The following SSBP3 variants were observed in gnomAD, a reference collection of about 807,000 sequenced individuals.
SSBP3 encodes the protein single-stranded DNA-binding protein 3.
Under a neutral mutation model 69.6 loss-of-function variants are expected in SSBP3, and 5 were observed. The observed-to-expected ratio is 0.07, with a 90% confidence interval of 0.04 to 0.15. SSBP3 has a LOEUF of 0.15. SSBP3 is among the 10% of genes least tolerant of loss of function. The pLI, the probability that SSBP3 is intolerant of heterozygous loss-of-function variation, is 1.00. For synonymous variants in SSBP3, 196 were observed against 193.4 expected (o/e 1.01, Z -0.11); for missense variants, 312 against 534.0 (o/e 0.58, Z 4.10).
In SSBP3 at chr1:54,253,192, G is replaced by GT. The variant is rs554412710; in HGVS notation, c.508-1333dup. The stretch of plus-strand genomic sequence containing the variant: ...TGTTTTTGTTTTTTTTTTAGTTTTT[G>GT]TTTTTTTTTTTTTTTAAGACAGGGT... On this transcript the variant is annotated intron_variant, in intron 7 of 17. Coordinates refer to ENST00000610401, the Ensembl canonical transcript of SSBP3. Among the ~76,000 whole-genome samples, 188 of 132,898 alleles carry GT rather than the reference G, an allele frequency of 1.4e-3. 2 individuals carry two copies. Among genetic ancestry groups the GT allele is most frequent in the East Asian group, 4.2e-3 (20 of 4,724 alleles). The allele number at this position is 132,898 out of a possible 152,430, so 87.2% of individuals were successfully genotyped here.
intron 4 of SSBP3, among the ~76,000 whole-genome samples, chr1:54,313,435 CTTTT>C (rs752753963): frequency 2.3e-4 from 20 of 86,412 alleles, no homozygotes; most frequent in Middle Eastern, 0.012. Context: ...TGTGCCTGTG[CTTTT>C]TTTTTTTTTT....
At chr1:54,404,143 T>C (rs213496) in intron 3 of SSBP3, among the ~76,000 whole-genome samples, 69,189 of 151,828 alleles carry the variant, frequency 0.46, 16,572 homozygotes, top group African/African-American at 0.61. Flanking sequence ...CCGGTAGATG[T>C]CCTCTCTTAA....
At chr1:54,348,513 G>A (rs906796338) in intron 4 of SSBP3, among the ~76,000 whole-genome samples, 4 of 152,106 alleles carry the variant, frequency 2.6e-5, no homozygotes, top group East Asian at 1.9e-4. Context: ...CACAGCTGCC[G>A]CACTTCAAGC....
chr1:54,354,907 C>A (rs1646839448), intron 4 of SSBP3, among the ~76,000 whole-genome samples: 1 of 152,106 alleles, frequency 6.6e-6, no homozygotes, highest in Non-Finnish European at 1.5e-5. Context: ...GTAATTACAG[C>A]CAAGAGCAAA....
chr1:54,308,848 T>G (rs1015504460), intron 4 of SSBP3, among the ~76,000 whole-genome samples: 2 of 151,980 alleles, frequency 1.3e-5, no homozygotes, highest in East Asian at 3.9e-4. Flanking sequence ...AGGTTAGCTC[T>G]GAAAACTAGG....
intron 4 of SSBP3, chr1:54,287,174 A>G (rs1482829806): frequency 6.6e-6 from 1 of 152,226 alleles, no homozygotes; most frequent in Non-Finnish European, 1.5e-5. Flanking sequence ...AGCTCCTGGA[A>G]AACTGAATAA....
Position 54,292,599 on chromosome 1 carries a change from C to T in SSBP3, c.277-11072G>A, listed in dbSNP as rs530670138. Among the ~76,000 whole-genome samples the T allele has an allele frequency of 4.6e-5, 7 of 152,262 alleles. No homozygotes were observed. The South Asian group carries it at 1.0e-3, about 23-fold the overall frequency. ...GCCCTTCAAACCCCAGACTCCAGGG[C>T]GCAGGTCCAGGAAGGTTTGTCGCAC... On this transcript the variant is annotated intron_variant, in intron 4 of 17. Transcript: ENST00000610401.
intron 4 of SSBP3, among the ~76,000 whole-genome samples, chr1:54,289,020 C>CAAAAAAAAAAAAA (rs777871964): frequency 4.6e-5 from 2 of 43,872 alleles, no homozygotes; most frequent in African/African-American, 1.3e-4. Flanking sequence ...ACTCTGTCTC[C>CAAAAAAAAAAAAA]AAAAAAAAAA....
intron 9 of SSBP3, among the ~76,000 whole-genome samples, chr1:54,245,547 C>T (rs1376676058): frequency 6.6e-6 from 1 of 152,194 alleles, no homozygotes; most frequent in Non-Finnish European, 1.5e-5. Flanking sequence ...GGGCCACCTG[C>T]TCCGCTTGCT....
At chr1:54,376,774 G>T (rs1475824534) in intron 4 of SSBP3, among the ~76,000 whole-genome samples, 4 of 152,148 alleles carry the variant, frequency 2.6e-5, no homozygotes, top group Admixed American at 2.0e-4. Flanking sequence ...TTTACAAACG[G>T]CGATGCAAAT....
intron 14 of SSBP3, among the ~76,000 whole-genome samples, chr1:54,231,983 C>A (rs996093769): frequency 5.9e-5 from 9 of 152,176 alleles, no homozygotes; most frequent in African/African-American, 2.2e-4. Flanking sequence ...TGTGAGCCAC[C>A]ATGCCCGGCC....
chr1:54,263,103 G>A (rs1645043153), intron 5 of SSBP3, among the ~76,000 whole-genome samples: 1 of 152,204 alleles, frequency 6.6e-6, no homozygotes, highest in Non-Finnish European at 1.5e-5. Flanking sequence ...TGTTATGGGT[G>A]TGATCGAGGC....
chr1:54,308,473 T>G (rs1236574673), intron 4 of SSBP3, among the ~76,000 whole-genome samples: 1 of 151,782 alleles, frequency 6.6e-6, no homozygotes, highest in East Asian at 1.9e-4. Flanking sequence ...CGGTGGCGGG[T>G]ACCTGTAATC....
rs905199899 is a variant in SSBP3 at position 54,258,975 on chromosome 1, T to A, written c.367-826A>T. 6.6e-6 allele frequency among the ~76,000 whole-genome samples: 1 copy of A among 152,156 alleles called. No individual in the cohort carries two copies. The highest frequency in any genetic ancestry group is 2.4e-5 in the African/African-American group (1 of 41,436). ...GGCAGAGCTGGGATGAGAAGCCCCA[T>A]GGGTCCAAGGCCCATCTCCAGCCCT... is the stretch of plus-strand genomic sequence containing the variant. On this transcript the variant is annotated intron_variant, in intron 5 of 17. Coordinates refer to ENST00000610401, the Ensembl canonical transcript of SSBP3. This position sits in a 1 kb window ranked among gnomAD's most constrained non-coding sequence, Gnocchi z 4.5.
intron 4 of SSBP3, among the ~76,000 whole-genome samples, chr1:54,390,832 G>A (rs1434918885): frequency 1.3e-5 from 2 of 152,130 alleles, no homozygotes; most frequent in Admixed American, 6.5e-5. Flanking sequence ...GCCGGCAGGC[G>A]GGCAGCGCTG....
At chr1:54,296,497 C>G (rs1279636515) in intron 4 of SSBP3, among the ~76,000 whole-genome samples, 1 of 152,228 alleles carries the variant, frequency 6.6e-6, no homozygotes, top group South Asian at 2.1e-4. Context: ...AACTTTGAAT[C>G]TACAACATAG....
At chr1:54,291,543 T>C (rs1183340670) in intron 4 of SSBP3, among the ~76,000 whole-genome samples, 1 of 152,186 alleles carries the variant, frequency 6.6e-6, no homozygotes, top group Non-Finnish European at 1.5e-5. Flanking sequence ...CATGCACTAA[T>C]TGCGCTAATT....
chr1:54,366,220 C>T (rs1169906769), intron 4 of SSBP3, among the ~76,000 whole-genome samples: 2 of 152,168 alleles, frequency 1.3e-5, no homozygotes, highest in African/African-American at 4.8e-5. Context: ...TGCCTATTTT[C>T]ATCATTGTTG....
At chr1:54,243,356 G>T in intron 9 of SSBP3, 57 bp from the exon 10 acceptor site, 1 of 1,595,834 alleles carries the variant, frequency 6.3e-7, no homozygotes, top group South Asian at 1.1e-5. Context: ...GACAGGAGGA[G>T]GGAGGAGAAA....
Sources: allele counts gnomAD v4.1 joint callset (sites outside exome capture counted in the v4.1 genomes callset), GRCh38; gene constraint gnomAD v4.1.1; non-coding constraint Gnocchi (gnomAD v3.1); transcripts MANE v1.5; gene names NCBI Gene and HGNC (gene_info 2026-07-23, HGNC 2026-07-21).